ZBTB7C: variants seen among roughly 807,000 people sequenced by gnomAD.
ZBTB7C encodes zinc finger and BTB domain-containing protein 7C.
Under a neutral mutation model 25.7 loss-of-function variants are expected in ZBTB7C, and 8 were observed. The observed-to-expected ratio is 0.31, with a 90% CI of 0.18 to 0.56. ZBTB7C has a LOEUF of 0.56. Ranked by LOEUF, ZBTB7C falls within the 20% of genes least tolerant of loss-of-function variation. The pLI is 0.91. For missense variants in ZBTB7C, 824 were observed against 855.2 expected, an observed-to-expected ratio of 0.96 and a Z score of 0.46; for synonymous variants, 394 against 369.0, an observed-to-expected ratio of 1.07 and a Z score of -0.78.
Position 48,329,947 on chromosome 18 carries a change from C to T in ZBTB7C, c.-79+8227G>A, listed in dbSNP as rs147228457. 6.3e-3 allele frequency among the ~76,000 whole-genome samples: 960 copies of T among 152,290 alleles called. 6 individuals are homozygous for T. The highest frequency in any genetic ancestry group is 0.021 in the African/African-American group (885 of 41,568). On this transcript the variant is annotated intron_variant, in intron 2 of 4. Transcript: ENST00000590800. ...ATTTGCTTTCCCCATGTTACACTTG[C>T]GGACAGCAAGGCTCAGGGAGACTGT...
chr18:48,124,376 T>C (rs2144737011), intron 3 of ZBTB7C, among the ~76,000 whole-genome samples: 1 of 152,360 alleles, frequency 6.6e-6, no homozygotes, highest in South Asian at 2.1e-4. Context: ...CCACAGTCCT[T>C]AGAGCCAAGC....
intron 3 of ZBTB7C, among the ~76,000 whole-genome samples, chr18:48,114,822 C>T (rs2039373016): frequency 6.6e-6 from 1 of 152,148 alleles, no homozygotes. Context: ...AAGCAAGCTG[C>T]AGAAGAGTGA....
At chr18:48,332,459 A>G (rs2046361425) in intron 2 of ZBTB7C, among the ~76,000 whole-genome samples, 1 of 152,104 alleles carries the variant, frequency 6.6e-6, no homozygotes, top group Non-Finnish European at 1.5e-5. Flanking sequence ...GGGGGTTTGG[A>G]TGGCGGGAGG....
intron 2 of ZBTB7C, among the ~76,000 whole-genome samples, chr18:48,268,082 T>C (rs1315764815): frequency 6.6e-6 from 1 of 152,190 alleles, no homozygotes; most frequent in East Asian, 1.9e-4. Flanking sequence ...GAGCACAATA[T>C]TTAGCAGATA....
rs531027117 is a variant in ZBTB7C, at chr18:48,284,019, C to T, written c.-79+54155G>A. Among the ~76,000 whole-genome samples, 20 of 152,140 alleles carry T rather than the reference C, an allele frequency of 1.3e-4. No individual in the cohort carries two copies. In the East Asian group the frequency reaches 3.1e-3, roughly 24 times the overall value. The stretch of plus-strand genomic sequence containing the variant: ...GAAATTTGCCAGGCATAGTGGTGCA[C>T]GCCTATAGTCCCAGTTACTCAGGAG... On this transcript the variant is annotated intron_variant, in intron 2 of 4. Transcript: ENST00000590800.
At chr18:48,127,779 C>T (rs1489504222) in intron 3 of ZBTB7C, among the ~76,000 whole-genome samples, 2 of 152,160 alleles carry the variant, frequency 1.3e-5, no homozygotes, top group South Asian at 2.1e-4. Flanking sequence ...AGAGTTGGAG[C>T]CAGGTTCACT....
At chr18:48,106,968 A>G (rs2039051446) in intron 3 of ZBTB7C, among the ~76,000 whole-genome samples, 1 of 152,070 alleles carries the variant, frequency 6.6e-6, no homozygotes, top group Non-Finnish European at 1.5e-5. Flanking sequence ...GTCTGTTTGC[A>G]AGGATGAAGG....
chr18:48,297,561 G>T (rs1046696552), intron 2 of ZBTB7C, among the ~76,000 whole-genome samples: 1 of 152,126 alleles, frequency 6.6e-6, no homozygotes, highest in Non-Finnish European at 1.5e-5. Flanking sequence ...TCTGGAACAT[G>T]GCAGCAATCA....
intron 2 of ZBTB7C, among the ~76,000 whole-genome samples, chr18:48,296,563 G>A (rs1335760721): frequency 1.3e-5 from 2 of 152,170 alleles, no homozygotes; most frequent in African/African-American, 4.8e-5. Flanking sequence ...ACACGATGGA[G>A]CATCCCAAAA....
intron 3 of ZBTB7C, chr18:48,149,367 G>A (rs1354191127): frequency 2.0e-5 from 3 of 152,224 alleles, no homozygotes; most frequent in South Asian, 2.1e-4. Flanking sequence ...GACACCCTCC[G>A]GGAAAGCATC....
intron 3 of ZBTB7C, among the ~76,000 whole-genome samples, chr18:48,098,019 C>A (rs1013020240): frequency 2.0e-5 from 3 of 152,124 alleles, no homozygotes; most frequent in Non-Finnish European, 4.4e-5. Context: ...GCAGTCACTA[C>A]CAATTGAGCC....
chr18:48,068,352 G>T (rs572212987), intron 3 of ZBTB7C, among the ~76,000 whole-genome samples: 133 of 152,018 alleles, frequency 8.7e-4, no homozygotes, highest in African/African-American at 3.1e-3. Context: ...TGTTAGCCAG[G>T]ATGGTCTCGA....
chr18:48,311,267 T>C (rs755430048), intron 2 of ZBTB7C, among the ~76,000 whole-genome samples: 8 of 152,212 alleles, frequency 5.3e-5, no homozygotes, highest in Non-Finnish European at 1.0e-4. Flanking sequence ...ATGACTTGTC[T>C]TGCTCAGCAC....
At chr18:48,285,463 T>G (rs949130380) in intron 2 of ZBTB7C, among the ~76,000 whole-genome samples, 1 of 152,248 alleles carries the variant, frequency 6.6e-6, no homozygotes, top group Non-Finnish European at 1.5e-5. Context: ...TTTTGGTATC[T>G]GTATAACATA....
At chr18:48,198,958 C>G (rs1382556040) in intron 2 of ZBTB7C, among the ~76,000 whole-genome samples, 2 of 152,202 alleles carry the variant, frequency 1.3e-5, no homozygotes, top group African/African-American at 4.8e-5. Flanking sequence ...TGAGCCCATG[C>G]CTACCTGAAA....
At chr18:48,333,270 T>C (rs1284679109) in intron 2 of ZBTB7C, among the ~76,000 whole-genome samples, 2 of 152,240 alleles carry the variant, frequency 1.3e-5, no homozygotes, top group South Asian at 2.1e-4. Context: ...GCAGAAGCTG[T>C]TCCCCCTGGG....
intron 2 of ZBTB7C, among the ~76,000 whole-genome samples, chr18:48,241,029 A>G (rs951955040): frequency 1.3e-5 from 2 of 152,178 alleles, no homozygotes; most frequent in African/African-American, 4.8e-5. Flanking sequence ...AGTGGACACC[A>G]AAAATGAGCA....
At chr18:48,177,620 T>C (rs764738434) in intron 3 of ZBTB7C, among the ~76,000 whole-genome samples, 1 of 152,074 alleles carries the variant, frequency 6.6e-6, no homozygotes, top group Admixed American at 6.5e-5. Flanking sequence ...CTGTGGACTT[T>C]CTTGGAGGCC....
At chr18:48,244,163 GAATA>G (rs910133625) in intron 2 of ZBTB7C, among the ~76,000 whole-genome samples, 1 of 152,074 alleles carries the variant, frequency 6.6e-6, no homozygotes, top group Admixed American at 6.6e-5. Flanking sequence ...ACAAAAACAA[GAATA>G]AATAGAAGGA....
Sources: allele counts gnomAD v4.1 joint callset (sites outside exome capture counted in the v4.1 genomes callset), GRCh38; gene constraint gnomAD v4.1.1; transcripts MANE v1.5; gene names NCBI Gene and HGNC (gene_info 2026-07-23, HGNC 2026-07-21).